Variants in DPP10 observed in about 807,000 individuals in gnomAD.
DPP10 encodes the protein inactive dipeptidyl peptidase 10.
A neutral mutation model predicts 120.9 loss-of-function variants in DPP10; 33 were observed. The observed-to-expected ratio is 0.27, with a 90% confidence interval of 0.21 to 0.37. The LOEUF (loss-of-function observed/expected upper bound fraction) is 0.37, where lower values mean the gene tolerates loss of function less well. Ranked by LOEUF, DPP10 falls within the 10% of genes least tolerant of loss-of-function variation. The probability of loss-of-function intolerance (pLI) is 1.00; values close to 1 mark genes in which losing one functional copy is unlikely to be tolerated. For missense variants in DPP10, 816 were observed against 942.8 expected, an observed-to-expected ratio of 0.87 and a Z score of 1.76; for synonymous variants, 337 against 326.1, an observed-to-expected ratio of 1.03 and a Z score of -0.36.
At chr2:115,334,230 G>GTTTTTTTTTTTTTTTTTTTTTGT in intron 2 of DPP10, among the ~76,000 whole-genome samples, 1 of 56,412 alleles carries the variant, frequency 1.8e-5, no homozygotes, top group Non-Finnish European at 4.0e-5. Context: ...AGCAGACTCT[G>GTTTTTTTTTTTTTTTTTTTTTGT]TTTTTTTTTT....
At chr2:114,589,046 G>A (rs1197589195) in intron 1 of DPP10, among the ~76,000 whole-genome samples, 1 of 149,690 alleles carries the variant, frequency 6.7e-6, no homozygotes, top group Non-Finnish European at 1.5e-5. Flanking sequence ...TTGGGGGGGG[G>A]GGTAGGGGAC....
Position 114,652,064 on chromosome 2 carries a change from G to A in DPP10, c.60+209226G>A, listed in dbSNP as rs150178578. ...TCCATGAAGAAAAAAGGGTCAGTGC[G>A]TGCAAGGGATGACAAAGGCAGGTGA... On this transcript the variant is annotated intron_variant, in intron 1 of 25. Transcript: ENST00000410059. Among the ~76,000 whole-genome samples the A allele has an allele frequency of 5.3e-3, 804 of 152,230 alleles. 3 individuals are homozygous for A. Among genetic ancestry groups the A allele is most frequent in the Admixed American group, 8.6e-3 (132 of 15,296 alleles).
chr2:114,806,118 T>C (rs982731895), intron 1 of DPP10, among the ~76,000 whole-genome samples: 7 of 152,254 alleles, frequency 4.6e-5, no homozygotes, highest in Admixed American at 1.3e-4. Flanking sequence ...AGGGAATTAA[T>C]TGATGCAAAC....
chr2:114,713,145 C>T (rs1701133868), intron 1 of DPP10, among the ~76,000 whole-genome samples: 1 of 152,018 alleles, frequency 6.6e-6, no homozygotes, highest in Non-Finnish European at 1.5e-5. Context: ...CACCACCACG[C>T]CTGGCTAATT....
chr2:115,483,429 ATCTG>A lies in DPP10; in HGVS notation c.272-16073_272-16070del, dbSNP rs796641843. Among the ~76,000 whole-genome samples, 1,313 of 149,302 alleles carry A rather than the reference ATCTG, an allele frequency of 8.8e-3. 13 individuals are homozygous for A. Among genetic ancestry groups the A allele is most frequent in the African/African-American group, 0.029 (1,183 of 40,266 alleles). ...CGTTCTTTCACTGCCTGATATGTCT[ATCTG>A]TCTGTCTATCTATCTATCTATCTAT... is the stretch of plus-strand genomic sequence containing the variant. On this transcript the variant is annotated intron_variant, in intron 3 of 25. Coordinates refer to ENST00000410059, the MANE Select transcript of DPP10 (RefSeq NM_020868.6).
At chr2:115,716,359 T>C (rs908498780) in intron 7 of DPP10, among the ~76,000 whole-genome samples, 2 of 152,220 alleles carry the variant, frequency 1.3e-5, no homozygotes, top group South Asian at 4.1e-4. Context: ...CATATTGTGA[T>C]GTAGTTATGT....
Position 115,568,935 on chromosome 2 carries a change from G to C in DPP10, c.441+42963G>C, listed in dbSNP as rs183840895. Among the ~76,000 whole-genome samples, 3 of 152,250 alleles carry C rather than the reference G, an allele frequency of 2.0e-5. No individual in the cohort carries two copies. The East Asian group carries it at 5.8e-4, about 29-fold the overall frequency. ...GCATTTTAATCCTTTCTTATTCTGT[G>C]TTTCTGTTTCCTTGGTGTCAATATT... On this transcript the variant is annotated intron_variant, in intron 5 of 25. Coordinates refer to ENST00000410059, the MANE Select transcript of DPP10 (RefSeq NM_020868.6).
At chr2:115,605,632 A>G (rs1575316272) in intron 5 of DPP10, among the ~76,000 whole-genome samples, 1 of 152,122 alleles carries the variant, frequency 6.6e-6, no homozygotes, top group East Asian at 1.9e-4. Context: ...GCAAATTTCT[A>G]TTAATTGTCA....
intron 1 of DPP10, among the ~76,000 whole-genome samples, chr2:114,503,443 G>T (rs1390296243): frequency 6.6e-6 from 1 of 152,176 alleles, no homozygotes; most frequent in African/African-American, 2.4e-5. Flanking sequence ...AAGGTTGAGA[G>T]ATTCAAATGC....
chr2:115,077,775 G>A (rs755786426), intron 1 of DPP10, among the ~76,000 whole-genome samples: 3 of 152,178 alleles, frequency 2.0e-5, no homozygotes, highest in Non-Finnish European at 4.4e-5. Flanking sequence ...TGACTCACTT[G>A]TTTACTCTAA....
At chr2:115,408,306 C>T (rs979803835) in intron 3 of DPP10, among the ~76,000 whole-genome samples, 3 of 152,090 alleles carry the variant, frequency 2.0e-5, no homozygotes, top group Admixed American at 6.6e-5. Context: ...CCCCAATCTC[C>T]CAGTGCGCAG....
chr2:115,648,506 T>C (rs2149370002), intron 5 of DPP10, among the ~76,000 whole-genome samples: 1 of 151,848 alleles, frequency 6.6e-6, no homozygotes, highest in Non-Finnish European at 1.5e-5. Context: ...GTATTTCAAA[T>C]AATCATCTCT....
chr2:115,374,460 G>T (rs1025688255), intron 3 of DPP10, among the ~76,000 whole-genome samples: 1 of 152,188 alleles, frequency 6.6e-6, no homozygotes, highest in African/African-American at 2.4e-5. Flanking sequence ...TTTTCCAGGT[G>T]CATGGTGCGT....
At chr2:115,279,323 A>G (rs1451101529) in intron 1 of DPP10, among the ~76,000 whole-genome samples, 3 of 152,140 alleles carry the variant, frequency 2.0e-5, no homozygotes, top group Admixed American at 1.3e-4. Context: ...ACATTTTACT[A>G]TGTGGAATGG....
intron 1 of DPP10, among the ~76,000 whole-genome samples, chr2:114,746,606 T>G (rs1678600247): frequency 1.3e-5 from 2 of 152,166 alleles, no homozygotes; most frequent in Admixed American, 6.5e-5. Context: ...CTAGGGTGAT[T>G]GCAGGGATGG....
chr2:115,615,884 A>T (rs1262694180), intron 5 of DPP10, among the ~76,000 whole-genome samples: 1 of 152,204 alleles, frequency 6.6e-6, no homozygotes, highest in Non-Finnish European at 1.5e-5. Flanking sequence ...TATTATAAGT[A>T]TCAATTAAAT....
At chr2:115,833,895 C>T (rs1451142857) in intron 21 of DPP10, among the ~76,000 whole-genome samples, 1 of 152,092 alleles carries the variant, frequency 6.6e-6, no homozygotes, top group Admixed American at 6.5e-5. Context: ...TAGCTATTTA[C>T]TTTCTTGCTT....
At chr2:114,747,518 A>G (rs1678688767) in intron 1 of DPP10, among the ~76,000 whole-genome samples, 1 of 152,258 alleles carries the variant, frequency 6.6e-6, no homozygotes, top group African/African-American at 2.4e-5. Context: ...ACATGTATGT[A>G]TGGCATTTTA....
intron 7 of DPP10, among the ~76,000 whole-genome samples, chr2:115,714,755 C>T (rs770870303): frequency 2.3e-4 from 35 of 152,132 alleles, no homozygotes; most frequent in Non-Finnish European, 4.6e-4. Flanking sequence ...ACTGGATGGG[C>T]GCCGTGGCTC....
Sources: allele counts gnomAD v4.1 joint callset (sites outside exome capture counted in the v4.1 genomes callset), GRCh38; gene constraint gnomAD v4.1.1; transcripts MANE v1.5; gene names NCBI Gene and HGNC (gene_info 2026-07-23, HGNC 2026-07-21).